Variants in UNC5D observed in about 807,000 individuals in gnomAD.
UNC5D encodes the protein unc-5 netrin receptor D.
A neutral mutation model predicts 105.4 loss-of-function variants in UNC5D; 39 were observed. That is an observed-to-expected ratio of 0.37 (90% CI 0.29 to 0.48). UNC5D has a LOEUF of 0.48. Among genes scored for constraint, UNC5D ranks in the 20% least tolerant of loss-of-function variants. The pLI, the probability that UNC5D is intolerant of heterozygous loss-of-function variation, is 0.98. For missense variants in UNC5D, 991 were observed against 1,202.4 expected (o/e 0.82, Z 2.60); for synonymous variants, 452 against 450.4 (o/e 1.00, Z -0.04).
chr8:35,246,847 G>A (rs903543240), intron 1 of UNC5D, among the ~76,000 whole-genome samples: 2 of 152,104 alleles, frequency 1.3e-5, no homozygotes, highest in African/African-American at 4.8e-5. Context: ...TTGTAGAATA[G>A]TGTTATGTCA....
chr8:35,502,321 A>T (rs972271105), intron 1 of UNC5D, among the ~76,000 whole-genome samples: 1 of 152,168 alleles, frequency 6.6e-6, no homozygotes, highest in African/African-American at 2.4e-5. Flanking sequence ...CTTTTCCTGT[A>T]AAGAGTAGGT....
intron 1 of UNC5D, among the ~76,000 whole-genome samples, chr8:35,499,139 T>C (rs1230926188): frequency 1.3e-5 from 2 of 152,214 alleles, no homozygotes; most frequent in Admixed American, 6.5e-5. Flanking sequence ...ATAAATGAAA[T>C]GTTTCTCTAG....
intron 4 of UNC5D, among the ~76,000 whole-genome samples, chr8:35,653,579 A>G (rs1823556027): frequency 2.0e-5 from 3 of 152,070 alleles, no homozygotes; most frequent in South Asian, 4.1e-4. Context: ...CCTGTGCACA[A>G]TCTTTTGTTT....
At chr8:35,310,273 A>C (rs1166887994) in intron 1 of UNC5D, among the ~76,000 whole-genome samples, 2 of 152,132 alleles carry the variant, frequency 1.3e-5, no homozygotes, top group Admixed American at 1.3e-4. Context: ...AATACAAGGG[A>C]TAGGGAGTAA....
chr8:35,447,094 G>T (rs937370925), intron 1 of UNC5D, among the ~76,000 whole-genome samples: 19 of 151,940 alleles, frequency 1.3e-4, no homozygotes, highest in African/African-American at 4.4e-4. Context: ...ATGGTTTTAC[G>T]TGTTCTCCCT....
At chr8:35,346,702 C>T (rs886391565) in intron 1 of UNC5D, among the ~76,000 whole-genome samples, 1 of 151,870 alleles carries the variant, frequency 6.6e-6, no homozygotes, top group Non-Finnish European at 1.5e-5. Context: ...GTACCATGGC[C>T]TTGAGTATGC....
intron 1 of UNC5D, among the ~76,000 whole-genome samples, chr8:35,415,332 A>T (rs563209266): frequency 6.6e-6 from 1 of 152,276 alleles, no homozygotes; most frequent in South Asian, 2.1e-4. Flanking sequence ...ATTCAAAATT[A>T]AATTTCCAGA....
chr8:35,525,335 T>C (rs886170872), intron 1 of UNC5D: 7 of 1,612,060 alleles, frequency 4.3e-6, no homozygotes, highest in Non-Finnish European at 5.1e-6. Flanking sequence ...GATATGGGGG[T>C]GTAATAACAA....
At chr8:35,379,142 G>A (rs1321300856) in intron 1 of UNC5D, among the ~76,000 whole-genome samples, 1 of 152,160 alleles carries the variant, frequency 6.6e-6, no homozygotes, top group Non-Finnish European at 1.5e-5. Flanking sequence ...GTGGTCTCTT[G>A]AGCTGAGGAA....
chr8:35,507,049 CTTTT>C (rs71215631), intron 1 of UNC5D, among the ~76,000 whole-genome samples: 3 of 76,180 alleles, frequency 3.9e-5, no homozygotes, highest in South Asian at 5.5e-4. Flanking sequence ...CAGGGCTTTT[CTTTT>C]TTTTTTTTTT....
intron 1 of UNC5D, among the ~76,000 whole-genome samples, chr8:35,496,286 T>C (rs1478151817): frequency 1.3e-5 from 2 of 152,150 alleles, no homozygotes; most frequent in Non-Finnish European, 2.9e-5. Context: ...TCATGCTGAA[T>C]TGCTGAGGTC....
intron 1 of UNC5D, among the ~76,000 whole-genome samples, chr8:35,390,695 C>T (rs1477201542): frequency 1.3e-5 from 2 of 152,158 alleles, no homozygotes; most frequent in Non-Finnish European, 1.5e-5. Flanking sequence ...TCTAAATTTA[C>T]CAATGCATAT....
At chr8:35,662,573 A>G (rs897991428) in intron 4 of UNC5D, among the ~76,000 whole-genome samples, 4 of 152,198 alleles carry the variant, frequency 2.6e-5, no homozygotes, top group Non-Finnish European at 4.4e-5. Context: ...GGACAGAAAG[A>G]TGCACAGCCT....
intron 4 of UNC5D, among the ~76,000 whole-genome samples, chr8:35,649,892 A>G (rs893847600): frequency 9.2e-5 from 14 of 152,190 alleles, no homozygotes; most frequent in Admixed American, 9.2e-4. Flanking sequence ...GACTGAATCT[A>G]CCGTAGTATT....
intron 7 of UNC5D, among the ~76,000 whole-genome samples, chr8:35,690,649 C>T (rs1586445513): frequency 6.6e-6 from 1 of 152,116 alleles, no homozygotes; most frequent in Admixed American, 6.6e-5. Flanking sequence ...TAACACTTCA[C>T]TATCTCTTCA....
At chr8:35,379,472 T>C (rs1017033426) in intron 1 of UNC5D, among the ~76,000 whole-genome samples, 1 of 152,194 alleles carries the variant, frequency 6.6e-6, no homozygotes, top group Non-Finnish European at 1.5e-5. Flanking sequence ...GATTCTACCA[T>C]ATCTAGAGAT....
At chr8:35,343,330 A>G (rs572416012) in intron 1 of UNC5D, among the ~76,000 whole-genome samples, 1 of 152,182 alleles carries the variant, frequency 6.6e-6, no homozygotes, top group South Asian at 2.1e-4. Flanking sequence ...GTTGCTTGAG[A>G]AAAACGTTAG....
At chr8:35,780,298 C>T (rs1047637772) in intron 16 of UNC5D, among the ~76,000 whole-genome samples, 1 of 152,198 alleles carries the variant, frequency 6.6e-6, no homozygotes, top group African/African-American at 2.4e-5. Flanking sequence ...CCTCATATCT[C>T]ATGCCTGACA....
chr8:35,255,527 T>C (rs967684779), intron 1 of UNC5D: 1 of 152,208 alleles, frequency 6.6e-6, no homozygotes, highest in African/African-American at 2.4e-5. Context: ...AAAAATTGTA[T>C]TTATTTAATC....
Sources: gnomAD v4.1 joint callset for allele counts (sites outside exome capture counted in the v4.1 genomes callset) on GRCh38, gnomAD v4.1.1 for gene constraint, MANE v1.5 for transcripts, NCBI Gene and HGNC (gene_info 2026-07-23, HGNC 2026-07-21) for gene names.